The following WDR89 variants were observed in gnomAD, a reference collection of about 807,000 sequenced individuals.
WDR89 encodes WD repeat-containing protein 89.
A neutral mutation model predicts 29.1 loss-of-function variants in WDR89; 17 were observed. The observed-to-expected ratio is 0.58, with a 90% CI of 0.40 to 0.88. The LOEUF is 0.88. Among genes scored for constraint, WDR89 ranks in the 40% least tolerant of loss-of-function variants. The probability of loss-of-function intolerance (pLI) is 0.00; values close to 1 mark genes in which losing one functional copy is unlikely to be tolerated. For synonymous variants in WDR89, 138 were observed against 157.8 expected (o/e 0.87, Z 0.94); for missense variants, 396 against 456.3 (o/e 0.87, Z 1.20).
rs140593114 is a variant in WDR89 at position 63,599,724 on chromosome 14, A to G, written c.219T>C (p.Leu73=). 1 of 1,614,052 alleles carries G rather than the reference A, an allele frequency of 6.2e-7. No individual in the cohort carries two copies. The highest frequency in any genetic ancestry group is 1.3e-5 in the African/African-American group (1 of 74,944). The change falls in exon 3 of 3, where the codon CTT becomes CTC. Residue 73 remains leucine (L), a synonymous_variant. Transcript: ENST00000620954. ...LREFSGYPGL[L]NGVRFANSCD... ...AGGAATTTGCAAATCTGACTCCATT[A>G]AGAAGTCCAGGATATCCACTAAATT... is the stretch of plus-strand genomic sequence containing the variant.
At chr14:63,625,582 A>G (rs757353266) in intron 1 of WDR89, among the ~76,000 whole-genome samples, 4 of 152,200 alleles carry the variant, frequency 2.6e-5, no homozygotes, top group Non-Finnish European at 4.4e-5. Flanking sequence ...GATGGAAATT[A>G]GAATGGTGGT....
intron 2 of WDR89, among the ~76,000 whole-genome samples, chr14:63,617,693 C>T (rs779625858): frequency 7.2e-5 from 11 of 152,010 alleles, no homozygotes; most frequent in Non-Finnish European, 5.9e-5. Context: ...CTATGTTGGC[C>T]AGGCTGGTCT....
chr14:63,614,303 CT>C (rs922845446), intron 2 of WDR89, among the ~76,000 whole-genome samples: 7 of 150,594 alleles, frequency 4.6e-5, no homozygotes, highest in Non-Finnish European at 1.0e-4. Flanking sequence ...CCTTTCTTTT[CT>C]TTTTTTCTTT....
chr14:63,603,444 AAG>A (rs1895174418), intron 2 of WDR89, among the ~76,000 whole-genome samples: 1 of 152,206 alleles, frequency 6.6e-6, no homozygotes, highest in Admixed American at 6.5e-5. Flanking sequence ...CTTTCATCCA[AAG>A]AGTTCAGGAT....
Position 63,627,713 on chromosome 14 carries a change from T to A in WDR89, c.-137-2680A>T, listed in dbSNP as rs537092565. ...TTCACGAAGGAATAAACACATGGAG[T>A]TCCTCTATGTCTTTCAGTGTCTTAA... On this transcript the variant is annotated intron_variant, in intron 1 of 2. Transcript: ENST00000620954. Among the ~76,000 whole-genome samples the A allele has an allele frequency of 8.5e-5, 13 of 152,122 alleles. No individual in the cohort carries two copies. The East Asian group carries it at 1.9e-3, about 23-fold the overall frequency.
chr14:63,606,442 A>T (rs1895326008), intron 2 of WDR89, among the ~76,000 whole-genome samples: 2 of 152,244 alleles, frequency 1.3e-5, no homozygotes, highest in South Asian at 4.1e-4. Flanking sequence ...TGCTCTCTAC[A>T]GGTATACCAT....
rs137916094 is a variant in WDR89, at chr14:63,631,611, A to G, written c.-137-6578T>C. Among the ~76,000 whole-genome samples, 502 of 152,096 alleles carry G rather than the reference A, an allele frequency of 3.3e-3. 1 individual carries two copies. Among genetic ancestry groups the G allele is most frequent in the African/African-American group, 0.012 (483 of 41,466 alleles). On this transcript the variant is annotated intron_variant, in intron 1 of 2. Transcript: ENST00000620954. ...TGCTCAGGCTGTTCCTGAACTCCTG[A>G]GCTCAAGTGATTCTCTTGCCTCAAC...
intron 2 of WDR89, among the ~76,000 whole-genome samples, chr14:63,610,773 G>A (rs1298459750): frequency 2.0e-5 from 3 of 149,736 alleles, no homozygotes; most frequent in Non-Finnish European, 3.0e-5. Context: ...TGCAATCTCG[G>A]CTCACTGCAA....
At chr14:63,630,711 G>A (rs995514612) in intron 1 of WDR89, 1 of 151,344 alleles carries the variant, frequency 6.6e-6, no homozygotes, top group East Asian at 1.9e-4. Context: ...ACTAAAATCA[G>A]AAGGCCACAG....
At chr14:63,628,108 G>T (rs1431013698) in intron 1 of WDR89, among the ~76,000 whole-genome samples, 1 of 152,094 alleles carries the variant, frequency 6.6e-6, no homozygotes, top group Non-Finnish European at 1.5e-5. Context: ...GTGGTGGTGT[G>T]CACCTGCAAT....
intron 1 of WDR89, among the ~76,000 whole-genome samples, chr14:63,631,123 G>A (rs372148407): frequency 5.3e-5 from 8 of 152,218 alleles, no homozygotes; most frequent in African/African-American, 1.7e-4. Flanking sequence ...ACCACAAAGT[G>A]ATCAACATGT....
At position 63,599,901 on chromosome 14, in the gene WDR89, A is replaced by G; in HGVS notation, c.42T>C (p.Val14=). 1 of 1,611,868 alleles carries G rather than the reference A, an allele frequency of 6.2e-7. No homozygotes were observed. Among genetic ancestry groups the G allele is most frequent in the Non-Finnish European group, 8.5e-7 (1 of 1,178,430 alleles). The part of the protein sequence containing the change: ...IEEQFANLHI[V]KCSLGTKEPT... ...GCTCTTTGGTTCCTAAGGAACATTT[A>G]ACAATGTGCAGATTAGCAAATTGTT... Residue 14 remains valine (V), a synonymous_variant, in exon 3 of 3, where the codon GTT becomes GTC. Transcript: ENST00000620954.
intron 2 of WDR89, among the ~76,000 whole-genome samples, chr14:63,608,535 C>A (rs141104551): frequency 6.6e-6 from 1 of 152,220 alleles, no homozygotes; most frequent in East Asian, 1.9e-4. Context: ...GTCCTCAAGT[C>A]CCTTTCCTGT....
chr14:63,599,578 T>A lies in WDR89; in HGVS notation c.365A>T (p.Asp122Val). Residue 122 changes from aspartate (D) to valine (V), a missense_variant, in exon 3 of 3, where the codon GAT becomes GTT. Transcript: ENST00000620954. ...AATAATATGATCATTACAATTAATA[T>A]CAAAACTGATAAAAATATTGGAAGG... Reference protein sequence around the residue: ...GYPSNIFISFDINCNDHIICA... With the variant: ...GYPSNIFISFVINCNDHIICA... The A allele has an allele frequency of 2.5e-6, 4 of 1,614,104 alleles. No homozygotes were observed. The highest frequency in any genetic ancestry group is 2.5e-6 in the Non-Finnish European group (3 of 1,180,012).
chr14:63,631,223 C>A (rs993693520), intron 1 of WDR89, among the ~76,000 whole-genome samples: 1 of 152,112 alleles, frequency 6.6e-6, no homozygotes, highest in Non-Finnish European at 1.5e-5. Context: ...GAAATATGTA[C>A]ATTATGTGTC....
At chr14:63,634,607 C>T (rs905506517) in intron 1 of WDR89, among the ~76,000 whole-genome samples, 8 of 152,050 alleles carry the variant, frequency 5.3e-5, no homozygotes, top group Admixed American at 6.6e-5. Context: ...CAGTGGCTCA[C>T]GCCTGTAATC....
In WDR89 at chr14:63,599,303, T is replaced by C; in HGVS notation, c.640A>G (p.Asn214Asp). The change falls in exon 3 of 3, where the codon AAC (asparagine) becomes GAC (aspartate). Residue 214 changes from asparagine (N) to aspartate (D), a missense_variant. Physicochemically the swap from Asn to Asp is conservative, Grantham distance 23. Coordinates refer to ENST00000620954, the MANE Select transcript of WDR89 (RefSeq NM_080666.4). ...ATACAGCTTACTGATGAAATTGAGTTACAGGTTGTAACCAGTGCATCCTCC... is the reference window on the plus strand; with the variant it reads ...ATACAGCTTACTGATGAAATTGAGTCACAGGTTGTAACCAGTGCATCCTCC... ...NEEDALVTTC[N>D]SISSVSCIGW... 1 of 1,614,026 alleles carries C rather than the reference T, an allele frequency of 6.2e-7. No individual in the cohort carries two copies. Among genetic ancestry groups the C allele is most frequent in the South Asian group, 1.1e-5 (1 of 91,066 alleles).
At chr14:63,603,199 T>C (rs1895156066) in intron 2 of WDR89, among the ~76,000 whole-genome samples, 2 of 152,138 alleles carry the variant, frequency 1.3e-5, no homozygotes, top group Non-Finnish European at 2.9e-5. Context: ...AAAGTTCTAA[T>C]GCACACACAC....
chr14:63,623,155 C>T (rs1266968719), intron 2 of WDR89, among the ~76,000 whole-genome samples: 1 of 147,880 alleles, frequency 6.8e-6, no homozygotes, highest in East Asian at 2.0e-4. Context: ...CCCAGATCGC[C>T]CTATTGCACT....
Sources: allele counts gnomAD v4.1 joint callset (sites outside exome capture counted in the v4.1 genomes callset), GRCh38; gene constraint gnomAD v4.1.1; transcripts MANE v1.5; gene names NCBI Gene and HGNC (gene_info 2026-07-23, HGNC 2026-07-21).